The following STK10 variants were observed in gnomAD, a reference collection of about 807,000 sequenced individuals.
The protein encoded by STK10 is serine/threonine-protein kinase 10.
A neutral mutation model predicts 113.8 loss-of-function variants in STK10; 78 were observed. The ratio of observed to expected loss-of-function variants is 0.69; its 90% CI spans 0.57 to 0.83. STK10 has a LOEUF of 0.83. STK10 is among the 40% of genes least tolerant of loss of function. STK10 has a pLI of 0.00. For synonymous variants in STK10, 465 were observed against 494.7 expected, an observed-to-expected ratio of 0.94 and a Z score of 0.80; for missense variants, 1,109 against 1,280.1, an observed-to-expected ratio of 0.87 and a Z score of 2.04.
intron 2 of STK10, among the ~76,000 whole-genome samples, chr5:172,139,509 A>AAAG (rs1470474801): frequency 6.6e-6 from 1 of 151,270 alleles, no homozygotes; most frequent in African/African-American, 2.4e-5. Context: ...AAAAAAAAAA[A>AAAG]GAAAAGAGAG....
intron 1 of STK10, among the ~76,000 whole-genome samples, chr5:172,165,293 CAA>C (rs201348203): frequency 3.9e-5 from 6 of 152,200 alleles, no homozygotes; most frequent in Non-Finnish European, 7.3e-5. Flanking sequence ...CTCCCCAACC[CAA>C]CTCTGCAGAT....
intron 1 of STK10, among the ~76,000 whole-genome samples, chr5:172,167,681 A>C (rs1244777238): frequency 6.6e-6 from 1 of 152,224 alleles, no homozygotes; most frequent in African/African-American, 2.4e-5. Flanking sequence ...TACTAGCCGC[A>C]CGTGGCTATT....
intron 18 of STK10, 36 bp from the exon 19 acceptor site, chr5:172,045,058 A>C (rs1030631723): frequency 8.1e-6 from 13 of 1,609,908 alleles, no homozygotes; most frequent in African/African-American, 1.3e-5. Flanking sequence ...ACTTGGTGAG[A>C]TCTGCAGGCC....
intron 18 of STK10, among the ~76,000 whole-genome samples, chr5:172,048,566 A>G (rs1767550360): frequency 6.6e-6 from 1 of 152,164 alleles, no homozygotes; most frequent in Admixed American, 6.5e-5. Flanking sequence ...GAACGTCTAG[A>G]GTGCCAGCTA....
intron 1 of STK10, among the ~76,000 whole-genome samples, chr5:172,184,395 G>A (rs1264962551): frequency 6.6e-6 from 1 of 152,148 alleles, no homozygotes; most frequent in Non-Finnish European, 1.5e-5. Context: ...TAAGGAAAAA[G>A]TGTTCAACTG....
At chr5:172,149,332 C>T (rs565191133) in intron 2 of STK10, among the ~76,000 whole-genome samples, 16 of 152,322 alleles carry the variant, frequency 1.1e-4, no homozygotes, top group African/African-American at 3.4e-4. Context: ...CCTCCTGATT[C>T]ACCCTCTAGG....
chr5:172,105,899 G>GAC (rs1769093719), intron 6 of STK10, among the ~76,000 whole-genome samples, 162 bp from the exon 7 acceptor site: 1 of 152,182 alleles, frequency 6.6e-6, no homozygotes, highest in Non-Finnish European at 1.5e-5. Context: ...TTTCATCATG[G>GAC]ACACCACTGT....
chr5:172,143,258 C>T (rs929605817), intron 2 of STK10, among the ~76,000 whole-genome samples: 3 of 152,140 alleles, frequency 2.0e-5, no homozygotes, highest in South Asian at 2.1e-4. Context: ...CCCAGCTACT[C>T]GGGAGGCTGA....
rs553865446 is a variant in STK10, at chr5:172,049,712, G to C, written c.2766+3217C>G. The stretch of plus-strand genomic sequence containing the variant: ...TGCTAATGGTACAAAAGCAATGATG[G>C]GTAAAACTTCTGGAGCTTCTGGAGG... On this transcript the variant is annotated intron_variant, in intron 18 of 18. Transcript: ENST00000176763. Among the ~76,000 whole-genome samples, 13 of 152,314 alleles carry C rather than the reference G, an allele frequency of 8.5e-5. No individual in the cohort carries two copies. In the South Asian group the frequency reaches 2.7e-3, roughly 32 times the overall value.
rs180852802 is a variant in STK10 at position 172,106,697 on chromosome 5, G to T, written c.711C>A (p.His237Gln). ...GGACCCGCATGGGGTTGAGCTCGTG[G>T]TGTGGCGGCTCGATCTGGGCCATCT... ...LIEMAQIEPP[H>Q]HELNPMRVLL... Residue 237 changes from histidine to glutamine, a missense_variant, in exon 6 of 19, where the codon CAC (histidine) becomes CAA (glutamine). By Grantham distance (24) the His-to-Gln change is conservative. This residue lies in a region of STK10 where 885 missense variants were observed against 991.1 expected (regional missense o/e 0.89). Coordinates refer to ENST00000176763, the MANE Select transcript of STK10 (RefSeq NM_005990.4). 6.2e-7 allele frequency: 1 copy of T among 1,613,972 alleles called. No individual in the cohort carries two copies. The highest frequency in any genetic ancestry group is 1.3e-5 in the African/African-American group (1 of 74,936).
rs148644362 is a variant in STK10 at position 172,082,412 on chromosome 5, G to A, written c.1903C>T (p.Arg635Cys). 1,291 of 1,611,212 alleles carry A rather than the reference G, an allele frequency of 8.0e-4. 1 individual carries two copies. Among genetic ancestry groups the A allele is most frequent in the Admixed American group, 1.3e-3 (76 of 59,628 alleles). ...CGGATCCGCCTGGCCTCCTCCCGGC[G>A]GCGCACGGCATGGTCTTGCTCCATC... ...EKMEQDHAVR[R>C]REEARRIRLE... Residue 635 changes from arginine (R) to cysteine (C), a missense_variant, in exon 12 of 19, where the codon CGC (arginine) becomes TGC (cysteine). By Grantham distance (180) the Arg-to-Cys change is radical. Coordinates refer to ENST00000176763, the MANE Select transcript of STK10 (RefSeq NM_005990.4). The surrounding 1 kb of genome is among the most constrained non-coding windows in gnomAD (Gnocchi z 4.3).
chr5:172,102,794 T>A (rs954103661), intron 7 of STK10, among the ~76,000 whole-genome samples: 3 of 152,150 alleles, frequency 2.0e-5, no homozygotes, highest in Non-Finnish European at 4.4e-5. Context: ...GCACCTCACA[T>A]GTGACAGCTG....
intron 13 of STK10, chr5:172,063,463 C>T (rs1033054519): frequency 2.0e-5 from 3 of 152,126 alleles, no homozygotes; most frequent in African/African-American, 7.2e-5. Context: ...ATTTGTGAAC[C>T]TCTGTGATAA....
rs1767665394 is a variant in STK10 at position 172,053,045 on chromosome 5, G to A, written c.2653-3C>T. The A allele has an allele frequency of 6.2e-7, 1 of 1,613,464 alleles. No homozygotes were observed. The highest frequency in any genetic ancestry group is 1.3e-5 in the African/African-American group (1 of 74,908). On this transcript the variant is annotated splice_region_variant and splice_polypyrimidine_tract_variant and intron_variant, in intron 17 of 18. Coordinates refer to ENST00000176763, the MANE Select transcript of STK10 (RefSeq NM_005990.4). ...ACCAGGAGGTGGCACTTTTCATTCT[G>A]GAACAGATTCCAGGCAGAACAGGTG...
At chr5:172,070,254 A>AAAT (rs1717829863) in intron 12 of STK10, among the ~76,000 whole-genome samples, 2 of 146,936 alleles carry the variant, frequency 1.4e-5, no homozygotes, top group African/African-American at 5.1e-5. Flanking sequence ...ACCTCAAAAA[A>AAAT]ATATATATCT....
At chr5:172,085,514 C>A (rs1054958744) in intron 10 of STK10, among the ~76,000 whole-genome samples, 1 of 151,762 alleles carries the variant, frequency 6.6e-6, no homozygotes, top group South Asian at 2.1e-4. Flanking sequence ...CATGGTGAAA[C>A]CCCATCTCTA....
chr5:172,064,487 A>G, intron 13 of STK10: 1 of 580,564 alleles, frequency 1.7e-6, no homozygotes, highest in Non-Finnish European at 3.1e-6. Flanking sequence ...TGGTCAATGT[A>G]AAGTGTTGGG....
At chr5:172,081,123 C>T (rs563639153) in intron 12 of STK10, among the ~76,000 whole-genome samples, 14 of 152,110 alleles carry the variant, frequency 9.2e-5, no homozygotes, top group Admixed American at 6.5e-5. Context: ...GAGGCCTAGG[C>T]GGGCAGATCA....
At position 172,061,231 on chromosome 5, in the gene STK10, T is replaced by C; in HGVS notation, c.2120A>G (p.Glu707Gly). 1.2e-6 allele frequency: 2 copies of C among 1,613,048 alleles called. No individual in the cohort carries two copies. The highest frequency in any genetic ancestry group is 1.3e-5 in the African/African-American group (1 of 74,790). ...DFVAKQKEDLELAMKRLTTDN... is the reference protein window; with the variant it reads ...DFVAKQKEDLGLAMKRLTTDN... ...GGTGGTGAGCCTCTTCATGGCCAGC[T>C]CCAGGTCCTCCTTCTGCTTGGCTAC... The change falls in exon 14 of 19, where the codon GAG becomes GGG. Residue 707 changes from glutamate (E) to glycine (G), a missense_variant. Transcript: ENST00000176763.
Sources: gnomAD v4.1 joint callset for allele counts (sites outside exome capture counted in the v4.1 genomes callset) on GRCh38, gnomAD v4.1.1 for gene constraint, gnomAD v4.1.1 regional missense constraint, Gnocchi (gnomAD v3.1) non-coding constraint, MANE v1.5 for transcripts, NCBI Gene and HGNC (gene_info 2026-07-23, HGNC 2026-07-21) for gene names.